Variants in OSBPL10 observed in about 807,000 individuals in gnomAD.
OSBPL10 encodes the protein oxysterol binding protein like 10.
Under a neutral mutation model 81.7 loss-of-function variants are expected in OSBPL10, and 49 were observed. That is an observed-to-expected ratio of 0.60 (90% CI 0.48 to 0.76). OSBPL10 has a LOEUF of 0.76. OSBPL10 is among the 30% of genes least tolerant of loss of function. The pLI, the probability that OSBPL10 is intolerant of heterozygous loss-of-function variation, is 0.00. For missense variants in OSBPL10, 923 were observed against 987.8 expected (o/e 0.93, Z 0.88); for synonymous variants, 419 against 383.6 (o/e 1.09, Z -1.08).
intron 4 of OSBPL10, among the ~76,000 whole-genome samples, chr3:31,785,976 G>T (rs1222208345): frequency 6.6e-6 from 1 of 152,164 alleles, no homozygotes; most frequent in Non-Finnish European, 1.5e-5. Flanking sequence ...AAGGCAACTT[G>T]CGTAGAAGTT....
chr3:32,055,242 C>T (rs201787128), intron 1 of OSBPL10, among the ~76,000 whole-genome samples: 1,950 of 113,998 alleles, frequency 0.017, 48 homozygotes, highest in East Asian at 0.11. Flanking sequence ...CTCGCTCTGT[C>T]GCCCAGGCTG....
chr3:32,012,353 G>A (rs1367362685), intron 2 of OSBPL10, among the ~76,000 whole-genome samples: 2 of 152,164 alleles, frequency 1.3e-5, no homozygotes, highest in Non-Finnish European at 2.9e-5. Flanking sequence ...AGCTTCATAA[G>A]TGAAGGAGAA....
chr3:31,782,752 T>G (rs1295833064), intron 4 of OSBPL10, among the ~76,000 whole-genome samples: 1 of 152,318 alleles, frequency 6.6e-6, no homozygotes, highest in East Asian at 1.9e-4. Flanking sequence ...CACCTTATTC[T>G]GCAAGAATGG....
At chr3:31,930,686 G>C (rs1559522264) in intron 1 of OSBPL10, among the ~76,000 whole-genome samples, 1 of 152,074 alleles carries the variant, frequency 6.6e-6, no homozygotes, top group Non-Finnish European at 1.5e-5. Context: ...TTAAAAAACA[G>C]TGTAAGTGAA....
At chr3:32,066,053 G>C (rs556376131) in intron 1 of OSBPL10, among the ~76,000 whole-genome samples, 1 of 89,144 alleles carries the variant, frequency 1.1e-5, no homozygotes, top group South Asian at 4.6e-4. Context: ...GAAAGAGAAG[G>C]TTGCAAGGTT....
In OSBPL10 at chr3:31,965,489, T is replaced by G. The variant is rs1412081483; in HGVS notation, c.281+15410A>C. Among the ~76,000 whole-genome samples, 3 of 94,796 alleles carry G rather than the reference T, an allele frequency of 3.2e-5. 1 individual carries two copies. Among genetic ancestry groups the G allele is most frequent in the African/African-American group, 1.4e-4 (3 of 21,684 alleles). 62.2% of individuals were successfully genotyped at this position (94,796 alleles called of 152,430 possible). On this transcript the variant is annotated intron_variant, in intron 1 of 11. Transcript: ENST00000396556. ...ATAATATATATTATATATTATCTAT[T>G]TTATATAATATATAAAATAGATAAT...
rs184658262 is a variant in OSBPL10 at position 32,063,867 on chromosome 3, C to T, written n.185+13529G>A. On this transcript the variant is annotated intron_variant and non_coding_transcript_variant, in intron 1 of 3. Coordinates refer to the OSBPL10 transcript ENST00000479173. The stretch of plus-strand genomic sequence containing the variant: ...TAAGGCCTCCCTAGCTATGTGGAAC[C>T]GTGAGTCAATTAAACCTCTTTTCTT... The T allele has an allele frequency of 7.5e-5, 7 of 93,672 alleles. 3 individuals are homozygous for T. Among genetic ancestry groups the T allele is most frequent in the East Asian group, 4.9e-4 (2 of 4,062 alleles). The allele number at this position is 93,672 out of a possible 1,614,324, so 5.8% of individuals were successfully genotyped here. A position where few individuals can be genotyped will look rare whatever the true frequency, so the allele number is the denominator to read the frequency against.
intron 1 of OSBPL10, among the ~76,000 whole-genome samples, chr3:31,968,823 G>A (rs1327254642): frequency 6.6e-6 from 1 of 152,172 alleles, no homozygotes; most frequent in Non-Finnish European, 1.5e-5. Flanking sequence ...CAAGGTATCA[G>A]CTGCAGACTT....
chr3:31,858,472 AAGCACAGT>A, intron 3 of OSBPL10, among the ~76,000 whole-genome samples: 1 of 152,246 alleles, frequency 6.6e-6, no homozygotes, highest in Non-Finnish European at 1.5e-5. Flanking sequence ...TGGGTCCTGA[AAGCACAGT>A]ACCCCTCACG....
At chr3:31,921,714 C>CA (rs2125707025) in intron 1 of OSBPL10, among the ~76,000 whole-genome samples, 1 of 152,242 alleles carries the variant, frequency 6.6e-6, no homozygotes, top group East Asian at 1.9e-4. Flanking sequence ...GTTTAACTCC[C>CA]TACTCTTTAA....
chr3:31,989,496 C>A (rs748029616), intron 2 of OSBPL10: 1 of 1,614,152 alleles, frequency 6.2e-7, no homozygotes. Flanking sequence ...GTAGCACCGA[C>A]AGATATGATC....
intron 1 of OSBPL10, among the ~76,000 whole-genome samples, chr3:31,972,691 C>A (rs907909445): frequency 6.6e-6 from 1 of 152,170 alleles, no homozygotes; most frequent in Non-Finnish European, 1.5e-5. Flanking sequence ...CCTGCACAGG[C>A]CACAAGGCTG....
In OSBPL10 at chr3:31,994,657, G is replaced by T. The variant is rs113346733; in HGVS notation, n.298+51834C>A. ...TCAAGTGACAGTAATGTGAGCATTTGATTAAATGAGACACCAAATCAGAAA... is the reference window on the plus strand; with the variant it reads ...TCAAGTGACAGTAATGTGAGCATTTTATTAAATGAGACACCAAATCAGAAA... On this transcript the variant is annotated intron_variant and non_coding_transcript_variant, in intron 2 of 3. Transcript: ENST00000479173. Among the ~76,000 whole-genome samples, 1,406 of 152,244 alleles carry T rather than the reference G, an allele frequency of 9.2e-3. 25 individuals carry two copies. Among genetic ancestry groups the T allele is most frequent in the African/African-American group, 0.032 (1,325 of 41,540 alleles).
At chr3:31,843,292 G>A (rs947561535) in intron 3 of OSBPL10, among the ~76,000 whole-genome samples, 4 of 152,214 alleles carry the variant, frequency 2.6e-5, no homozygotes, top group South Asian at 2.1e-4. Flanking sequence ...GCCAGGAGAT[G>A]ATAATCCCAT....
intron 4 of OSBPL10, among the ~76,000 whole-genome samples, chr3:31,749,272 T>C (rs1204736103): frequency 6.6e-6 from 1 of 152,230 alleles, no homozygotes; most frequent in Non-Finnish European, 1.5e-5. Flanking sequence ...TTTTTTCTCT[T>C]TCCTTTTGAA....
chr3:32,054,263 C>A (rs974279249), intron 1 of OSBPL10, among the ~76,000 whole-genome samples: 1 of 152,104 alleles, frequency 6.6e-6, no homozygotes, highest in African/African-American at 2.4e-5. Context: ...TCTAATTAAT[C>A]TTTTAGATAT....
chr3:31,671,036 T>C (rs1700311776), intron 8 of OSBPL10, 53 bp from the exon 9 acceptor site: 2 of 1,483,666 alleles, frequency 1.3e-6, no homozygotes, highest in Non-Finnish European at 9.1e-7. Context: ...AAGAGGGCAC[T>C]GGGGATCAGA....
chr3:31,866,084 G>C (rs1384555482), intron 3 of OSBPL10, among the ~76,000 whole-genome samples: 1 of 152,040 alleles, frequency 6.6e-6, no homozygotes, highest in African/African-American at 2.4e-5. Flanking sequence ...CACACCCCAG[G>C]GCGGGAAAAA....
chr3:32,045,688 G>A (rs1402070892), intron 2 of OSBPL10, among the ~76,000 whole-genome samples: 2 of 152,178 alleles, frequency 1.3e-5, no homozygotes, highest in Non-Finnish European at 2.9e-5. Context: ...GTAAGCTGTG[G>A]GGGAGGGGGT....
Sources: gnomAD v4.1 joint callset for allele counts (sites outside exome capture counted in the v4.1 genomes callset) on GRCh38, gnomAD v4.1.1 for gene constraint, MANE v1.5 for transcripts, NCBI Gene and HGNC (gene_info 2026-07-23, HGNC 2026-07-21) for gene names.